The following SPACA7 variants were observed in gnomAD, a reference collection of about 807,000 sequenced individuals.
SPACA7 encodes the protein sperm acrosome associated 7.
In SPACA7, 19 loss-of-function variants were observed where a neutral mutation model predicts 26.3. That is an observed-to-expected ratio of 0.72 (90% CI 0.50 to 1.06). SPACA7 has a LOEUF of 1.06. SPACA7 is among the 50% of genes least tolerant of loss of function. The probability of loss-of-function intolerance (pLI) is 0.00; values close to 1 mark genes in which losing one functional copy is unlikely to be tolerated. For missense variants in SPACA7, 211 were observed against 229.9 expected, an observed-to-expected ratio of 0.92 and a Z score of 0.53; for synonymous variants, 84 against 84.5, an observed-to-expected ratio of 0.99 and a Z score of 0.04.
chr13:112,419,191 G>A (rs972231448), intron 5 of SPACA7, among the ~76,000 whole-genome samples: 1 of 152,144 alleles, frequency 6.6e-6, no homozygotes, highest in Non-Finnish European at 1.5e-5. Context: ...TGGAACACAT[G>A]AGCTTTCTCA....
chr13:112,411,480 A>G (rs1308815636), intron 5 of SPACA7, among the ~76,000 whole-genome samples: 1 of 152,130 alleles, frequency 6.6e-6, no homozygotes, highest in African/African-American at 2.4e-5. Context: ...TTTGAAATAT[A>G]CAATAACATA....
Position 112,405,382 on chromosome 13 carries a change from G to A in SPACA7, c.445+4218G>A, listed in dbSNP as rs575036771. ...TTAAATGTATTTCACAGATTCTCATGTATAGTGTTTTCATTATTATTTTCC... is the reference window on the plus strand; with the variant it reads ...TTAAATGTATTTCACAGATTCTCATATATAGTGTTTTCATTATTATTTTCC... On this transcript the variant is annotated intron_variant, in intron 5 of 6. Transcript: ENST00000283550. Among the ~76,000 whole-genome samples, 9 of 152,074 alleles carry A rather than the reference G, an allele frequency of 5.9e-5. No homozygotes were observed. The South Asian group carries it at 1.9e-3, about 32-fold the overall frequency.
chr13:112,379,365 G>C (rs1883897953), intron 1 of SPACA7, among the ~76,000 whole-genome samples: 1 of 152,280 alleles, frequency 6.6e-6, no homozygotes, highest in African/African-American at 2.4e-5. Flanking sequence ...AAGCATCAGA[G>C]TAAAACAATA....
intron 1 of SPACA7, among the ~76,000 whole-genome samples, chr13:112,392,097 T>A (rs1884927000): frequency 6.6e-6 from 1 of 152,200 alleles, no homozygotes; most frequent in Non-Finnish European, 1.5e-5. Context: ...TGTGTGGCCC[T>A]GCTGAGCCCA....
rs1363543778 is a variant in SPACA7, at chr13:112,398,763, T to C, written c.242-303T>C. Among the ~76,000 whole-genome samples the C allele has an allele frequency of 3.3e-5, 5 of 152,208 alleles. 1 individual carries two copies. Among genetic ancestry groups the C allele is most frequent in the Admixed American group, 6.5e-5 (1 of 15,284 alleles). On this transcript the variant is annotated intron_variant, in intron 3 of 6. Coordinates refer to ENST00000283550, the MANE Select transcript of SPACA7 (RefSeq NM_145248.5). Reference sequence around the variant, plus strand: ...GAATCAGAAATCCCCACACAGTGCATGAAAGTGTATTCGGCAGCAGGAAAG... The same window carrying C: ...GAATCAGAAATCCCCACACAGTGCACGAAAGTGTATTCGGCAGCAGGAAAG...
At chr13:112,413,345 G>A (rs754171555) in intron 5 of SPACA7, among the ~76,000 whole-genome samples, 7 of 148,788 alleles carry the variant, frequency 4.7e-5, no homozygotes, top group African/African-American at 1.8e-4. Context: ...TTGCTGAGTA[G>A]AGCATTCTTG....
At chr13:112,407,151 G>C (rs891092767) in intron 5 of SPACA7, among the ~76,000 whole-genome samples, 1 of 152,154 alleles carries the variant, frequency 6.6e-6, no homozygotes, top group African/African-American at 2.4e-5. Flanking sequence ...CAGAAATAAA[G>C]ATATTCTTTG....
chr13:112,430,095 A>G (rs1375192265), intron 5 of SPACA7, among the ~76,000 whole-genome samples: 2 of 151,004 alleles, frequency 1.3e-5, no homozygotes, highest in Non-Finnish European at 2.9e-5. Context: ...TCCTTTTTCC[A>G]TCCTTGAGTA....
chr13:112,425,209 G>A (rs756095224), intron 5 of SPACA7, among the ~76,000 whole-genome samples: 20 of 152,194 alleles, frequency 1.3e-4, no homozygotes, highest in Non-Finnish European at 2.4e-4. Context: ...GGGTGACATA[G>A]GCCAGGAGAA....
chr13:112,388,362 G>T (rs540347821), intron 1 of SPACA7, among the ~76,000 whole-genome samples: 1 of 152,296 alleles, frequency 6.6e-6, no homozygotes, highest in South Asian at 2.1e-4. Context: ...GCTACAGACA[G>T]ATACCCTACC....
At chr13:112,389,857 G>A (rs1025114993) in intron 1 of SPACA7, among the ~76,000 whole-genome samples, 2 of 152,170 alleles carry the variant, frequency 1.3e-5, no homozygotes, top group Non-Finnish European at 2.9e-5. Flanking sequence ...ACTCAATAAG[G>A]GCTAAAGATT....
Position 112,413,368 on chromosome 13 carries a change from G to GTT in SPACA7, c.445+12214_445+12215dup, listed in dbSNP as rs34886428. Among the ~76,000 whole-genome samples, 270 of 147,916 alleles carry GTT rather than the reference G, an allele frequency of 1.8e-3. 1 individual carries two copies. The highest frequency in any genetic ancestry group is 2.9e-3 in the African/African-American group (119 of 40,596). On this transcript the variant is annotated intron_variant, in intron 5 of 6. Transcript: ENST00000283550. ...TAGAGCATTCTTGGTTGGAAGAGTTGTTTTTTTTTTTCCTTTAGCACTTTA... is the reference window on the plus strand; with the variant it reads ...TAGAGCATTCTTGGTTGGAAGAGTTGTTTTTTTTTTTTTCCTTTAGCACTTTA...
chr13:112,412,249 T>C (rs534187290), intron 5 of SPACA7, among the ~76,000 whole-genome samples: 1 of 152,180 alleles, frequency 6.6e-6, no homozygotes, highest in African/African-American at 2.4e-5. Context: ...CTTTTGAGAA[T>C]GTCAGTTCAG....
At chr13:112,383,255 GTT>G (rs753649438) in intron 1 of SPACA7, among the ~76,000 whole-genome samples, 3 of 151,914 alleles carry the variant, frequency 2.0e-5, no homozygotes, top group Non-Finnish European at 4.4e-5. Flanking sequence ...AAAAGCATTA[GTT>G]TGGGGATTCT....
chr13:112,422,123 AAG>A (rs773952632), intron 5 of SPACA7, among the ~76,000 whole-genome samples: 1 of 152,206 alleles, frequency 6.6e-6, no homozygotes, highest in Non-Finnish European at 1.5e-5. Context: ...AAAAAGAAGA[AAG>A]AAGAAAATTG....
At chr13:112,384,547 T>C (rs972476419) in intron 1 of SPACA7, among the ~76,000 whole-genome samples, 1 of 152,096 alleles carries the variant, frequency 6.6e-6, no homozygotes, top group African/African-American at 2.4e-5. Context: ...AGGTTAGAAA[T>C]AGACAAAATT....
intron 1 of SPACA7, among the ~76,000 whole-genome samples, chr13:112,380,240 C>A (rs1235846764): frequency 6.6e-6 from 1 of 151,846 alleles, no homozygotes. Context: ...CATGGTGAAA[C>A]CCCATCTCTA....
At chr13:112,383,025 A>AG (rs1884187459) in intron 1 of SPACA7, among the ~76,000 whole-genome samples, 3 of 141,482 alleles carry the variant, frequency 2.1e-5, no homozygotes, top group East Asian at 2.1e-4. Flanking sequence ...GGAAAGAAAG[A>AG]AAGAGAGAGA....
intron 5 of SPACA7, among the ~76,000 whole-genome samples, chr13:112,424,315 C>G (rs559995437): frequency 6.6e-6 from 1 of 152,170 alleles, no homozygotes; most frequent in Admixed American, 6.5e-5. Context: ...CTGCGTTTAG[C>G]CTTCTCATCA....
Sources: gnomAD v4.1 joint callset for allele counts (sites outside exome capture counted in the v4.1 genomes callset) on GRCh38, gnomAD v4.1.1 for gene constraint, MANE v1.5 for transcripts, NCBI Gene and HGNC (gene_info 2026-07-23, HGNC 2026-07-21) for gene names.